The following ZNF532 variants were observed in gnomAD, a reference collection of about 807,000 sequenced individuals.
The protein encoded by ZNF532 is zinc finger protein 532.
Under a neutral mutation model 89.3 loss-of-function variants are expected in ZNF532, and 22 were observed. That is an observed-to-expected ratio of 0.25 (90% CI 0.18 to 0.35). ZNF532 has a LOEUF of 0.35. Ranked by LOEUF, ZNF532 falls within the 10% of genes least tolerant of loss-of-function variation. The pLI is 1.00. For synonymous variants in ZNF532, 606 were observed against 649.6 expected (o/e 0.93, Z 1.02); for missense variants, 1,132 against 1,643.4 (o/e 0.69, Z 5.38).
intron 3 of ZNF532, among the ~76,000 whole-genome samples, chr18:58,926,512 T>G (rs1185725795): frequency 8.5e-5 from 13 of 152,114 alleles, no homozygotes; most frequent in Admixed American, 8.5e-4. Context: ...TAATTTTATA[T>G]TTTTAGTAGA....
intron 2 of ZNF532, among the ~76,000 whole-genome samples, chr18:58,910,266 T>C (rs1260114964): frequency 6.6e-6 from 1 of 152,176 alleles, no homozygotes; most frequent in East Asian, 1.9e-4. Flanking sequence ...GCACGGTCCT[T>C]TTTCATTAGC....
intron 5 of ZNF532, among the ~76,000 whole-genome samples, chr18:58,942,963 A>C (rs1000743371): frequency 6.6e-6 from 1 of 152,170 alleles, no homozygotes; most frequent in African/African-American, 2.4e-5. Flanking sequence ...CCAGCATCCC[A>C]GTTCAAAAAG....
chr18:58,888,741 T>TTTTATATATAA (rs2058531945), intron 2 of ZNF532, among the ~76,000 whole-genome samples: 3 of 30,442 alleles, frequency 9.9e-5, no homozygotes, highest in Non-Finnish European at 1.5e-4. Context: ...TATATATATA[T>TTTTATATATAA]TTTATATATA....
chr18:58,942,034 C>G (rs1234774107), intron 5 of ZNF532, among the ~76,000 whole-genome samples: 1 of 135,584 alleles, frequency 7.4e-6, no homozygotes, highest in Non-Finnish European at 1.6e-5. Context: ...TTTTTCTACC[C>G]CCGCCCCCCC....
intron 2 of ZNF532, among the ~76,000 whole-genome samples, chr18:58,874,377 T>C (rs2144699169): frequency 6.6e-6 from 1 of 152,348 alleles, no homozygotes. Flanking sequence ...ATAGTTTTGC[T>C]CTTGTTGCCC....
At chr18:58,912,618 G>A (rs2060349082) in intron 2 of ZNF532, among the ~76,000 whole-genome samples, 1 of 152,128 alleles carries the variant, frequency 6.6e-6, no homozygotes, top group Admixed American at 6.5e-5. Flanking sequence ...GGTGCTCTGG[G>A]CTGGCTGTCT....
chr18:58,961,192 C>A (rs1249532425), intron 7 of ZNF532, among the ~76,000 whole-genome samples: 3 of 152,196 alleles, frequency 2.0e-5, no homozygotes, highest in African/African-American at 7.2e-5. Flanking sequence ...GGGATGGAAC[C>A]CGATCATTTG....
At chr18:58,967,664 G>A (rs935697909) in intron 7 of ZNF532, among the ~76,000 whole-genome samples, 1 of 152,032 alleles carries the variant, frequency 6.6e-6, no homozygotes, top group African/African-American at 2.4e-5. Context: ...GTCGGAGCTC[G>A]GTAAATACCG....
intron 3 of ZNF532, among the ~76,000 whole-genome samples, chr18:58,924,423 C>G (rs1341250534): frequency 6.6e-6 from 1 of 152,216 alleles, no homozygotes; most frequent in Non-Finnish European, 1.5e-5. Context: ...ACCAACCTTG[C>G]TGCCACTGTT....
intron 7 of ZNF532, among the ~76,000 whole-genome samples, chr18:58,957,900 A>G (rs535082346): frequency 2.0e-5 from 3 of 152,086 alleles, no homozygotes; most frequent in African/African-American, 7.2e-5. Context: ...CCCCATCTCT[A>G]CTAAAAGTAC....
chr18:58,979,177 G>C lies in ZNF532; in HGVS notation c.3263+10G>C. 1 of 1,603,648 alleles carries C rather than the reference G, an allele frequency of 6.2e-7. No homozygotes were observed. The highest frequency in any genetic ancestry group is 8.5e-7 in the Non-Finnish European group (1 of 1,171,614). ...AAGTGTACGCCTGCTCGTAAGTCCT[G>C]GTTTCTAACGGAACGCAGTGAGAGG... On this transcript the variant is annotated intron_variant, in intron 8 of 9. Coordinates refer to ENST00000591808, the MANE Select transcript of ZNF532 (RefSeq NM_001375912.1).
chr18:58,873,446 A>ATT (rs796837430), intron 2 of ZNF532, among the ~76,000 whole-genome samples: 3 of 146,674 alleles, frequency 2.0e-5, no homozygotes, highest in African/African-American at 5.0e-5. Flanking sequence ...GATTTTGCTG[A>ATT]TTTTTTTTTT....
intron 2 of ZNF532, among the ~76,000 whole-genome samples, chr18:58,892,545 C>A (rs148165531): frequency 6.6e-6 from 1 of 152,330 alleles, no homozygotes; most frequent in East Asian, 1.9e-4. Context: ...GTTTCTGTTG[C>A]TTATACTTCT....
rs1189536799 is a variant in ZNF532 at position 58,888,752 on chromosome 18, TATA to T, written c.-18+23175_-18+23177del. Among the ~76,000 whole-genome samples the T allele has an allele frequency of 3.1e-3, 126 of 40,122 alleles. 2 individuals are homozygous for T. Among genetic ancestry groups the T allele is most frequent in the Non-Finnish European group, 4.0e-3 (101 of 25,530 alleles). The allele number at this position is 40,122 out of a possible 152,430, so 26.3% of individuals were successfully genotyped here. A position where few individuals can be genotyped will look rare whatever the true frequency, so the allele number is the denominator to read the frequency against. ...ATTATATATATATATTTTATATATA[TATA>T]AAATTAATATATATAATTTATATAT... On this transcript the variant is annotated intron_variant, in intron 2 of 9. Transcript: ENST00000591808.
chr18:58,903,173 T>G (rs1420787286), intron 2 of ZNF532, among the ~76,000 whole-genome samples: 2 of 152,340 alleles, frequency 1.3e-5, no homozygotes, highest in African/African-American at 4.8e-5. Flanking sequence ...ATTGAGGCTC[T>G]TCCTTCAGTA....
At chr18:58,926,814 T>C (rs2061564909) in intron 3 of ZNF532, among the ~76,000 whole-genome samples, 1 of 132,040 alleles carries the variant, frequency 7.6e-6, no homozygotes, top group Non-Finnish European at 1.6e-5. Flanking sequence ...GTTTCAGGGC[T>C]TTTTTTTGGA....
intron 2 of ZNF532, among the ~76,000 whole-genome samples, chr18:58,906,315 T>TA (rs1386485055): frequency 6.6e-6 from 1 of 152,224 alleles, no homozygotes; most frequent in African/African-American, 2.4e-5. Context: ...CATGGATATT[T>TA]ATTTAATATT....
intron 2 of ZNF532, among the ~76,000 whole-genome samples, chr18:58,895,892 C>T (rs79504620): frequency 0.017 from 2,607 of 150,812 alleles, 43 homozygotes; most frequent in Non-Finnish European, 0.024. Context: ...ACTCTGTCGA[C>T]GAGGCTGTAC....
At chr18:58,955,690 T>C (rs910409100) in intron 7 of ZNF532, among the ~76,000 whole-genome samples, 8 of 152,228 alleles carry the variant, frequency 5.3e-5, no homozygotes, top group African/African-American at 7.2e-5. Context: ...ATGTTTTTAT[T>C]GTATTTGGTC....
Sources: allele counts gnomAD v4.1 joint callset (sites outside exome capture counted in the v4.1 genomes callset), GRCh38; gene constraint gnomAD v4.1.1; transcripts MANE v1.5; gene names NCBI Gene and HGNC (gene_info 2026-07-23, HGNC 2026-07-21).